The following HDAC4 variants were observed in gnomAD, a reference collection of about 807,000 sequenced individuals.
The protein encoded by HDAC4 is histone deacetylase 4, also known as histone deacetylase A.
HDAC4 carries 16 observed loss-of-function variants against 135.1 expected under a neutral mutation model. The ratio of observed to expected loss-of-function variants is 0.12; its 90% CI spans 0.08 to 0.18. HDAC4 has a LOEUF of 0.18. Among genes scored for constraint, HDAC4 ranks in the 10% least tolerant of loss-of-function variants. The pLI, the probability that HDAC4 is intolerant of heterozygous loss-of-function variation, is 1.00. For missense variants in HDAC4, 1,143 were observed against 1,511.8 expected (o/e 0.76, Z 4.05); for synonymous variants, 685 against 653.4 (o/e 1.05, Z -0.74).
Position 239,388,455 on chromosome 2 carries a change from C to T in HDAC4, c.-220+12523G>A, listed in dbSNP as rs561906620. On this transcript the variant is annotated intron_variant, in intron 1 of 26. Coordinates refer to ENST00000543185, the MANE Select transcript of HDAC4 (RefSeq NM_001378414.1). ...TGCATCGGCCTTCTCAGGCACCTGC[C>T]CACCTCTGCATGGGACAGATGAGCC... Among the ~76,000 whole-genome samples, 4 of 152,352 alleles carry T rather than the reference C, an allele frequency of 2.6e-5. No individual in the cohort carries two copies. The South Asian group carries it at 8.3e-4, about 32-fold the overall frequency.
intron 2 of HDAC4, among the ~76,000 whole-genome samples, chr2:239,238,492 C>A (rs2048011112): frequency 6.6e-6 from 1 of 152,160 alleles, no homozygotes; most frequent in South Asian, 2.1e-4. Flanking sequence ...CAATGCCTGT[C>A]CCCCAGAACT....
chr2:239,289,433 A>C (rs757186955), intron 2 of HDAC4, among the ~76,000 whole-genome samples: 1 of 152,200 alleles, frequency 6.6e-6, no homozygotes, highest in East Asian at 1.9e-4. Context: ...TTATGTTACA[A>C]TATGTGTGTG....
At position 239,115,835 on chromosome 2, in the gene HDAC4, G is replaced by A. The variant is rs1553620789; in HGVS notation, c.1534-525C>T. ...ACCGATGTGCCATGACCTCCCTCCTGCCGGATCCTGGGAACACTCCAGGAC... is the reference window on the plus strand; with the variant it reads ...ACCGATGTGCCATGACCTCCCTCCTACCGGATCCTGGGAACACTCCAGGAC... On this transcript the variant is annotated intron_variant, in intron 12 of 26. Transcript: ENST00000543185. This position sits in a 1 kb window ranked among gnomAD's most constrained non-coding sequence, Gnocchi z 6.3. Among the ~76,000 whole-genome samples the A allele has an allele frequency of 6.6e-6, 1 of 151,156 alleles. No individual in the cohort carries two copies.
chr2:239,280,024 AC>A (rs1032700026), intron 2 of HDAC4, among the ~76,000 whole-genome samples: 2 of 151,582 alleles, frequency 1.3e-5, no homozygotes, highest in Non-Finnish European at 2.9e-5. Flanking sequence ...AGAGGACAGC[AC>A]CCCCCAACCC....
At chr2:239,250,265 G>A (rs59460888) in intron 2 of HDAC4, among the ~76,000 whole-genome samples, 18,159 of 152,250 alleles carry the variant, frequency 0.12, 1,207 homozygotes, top group Non-Finnish European at 0.15. Context: ...ACACAGAGTC[G>A]GCCCCCAGGG....
chr2:239,324,009 A>G (rs1397059736), intron 2 of HDAC4, among the ~76,000 whole-genome samples: 4 of 152,236 alleles, frequency 2.6e-5, no homozygotes, highest in African/African-American at 7.2e-5. Context: ...ACGGGACCAC[A>G]TGCGCTACGG....
chr2:239,251,896 T>C lies in HDAC4; in HGVS notation c.23-15232A>G, dbSNP rs574095496. On this transcript the variant is annotated intron_variant, in intron 2 of 26. Coordinates refer to ENST00000543185, the MANE Select transcript of HDAC4 (RefSeq NM_001378414.1). The stretch of plus-strand genomic sequence containing the variant: ...ATTTCTGTTATGCACAGAATGAATA[T>C]ACCCTACACATCACAACCTCCCCTA... Among the ~76,000 whole-genome samples the C allele has an allele frequency of 5.3e-5, 8 of 152,276 alleles. No homozygotes were observed. The South Asian group carries it at 6.2e-4, about 12-fold the overall frequency.
intron 2 of HDAC4, among the ~76,000 whole-genome samples, chr2:239,291,305 A>G (rs2051480532): frequency 6.6e-6 from 1 of 152,236 alleles, no homozygotes; most frequent in Admixed American, 6.5e-5. Context: ...GGCCAAGTGC[A>G]CACGGGGATG....
At chr2:239,102,704 G>C (rs1326410216) in intron 16 of HDAC4, 72 bp downstream of exon 16, 1 of 1,570,628 alleles carries the variant, frequency 6.4e-7, no homozygotes, top group East Asian at 2.2e-5. Context: ...AGACACAAGG[G>C]GTTGAGAGCT....
chr2:239,208,609 C>T (rs1031040818), intron 3 of HDAC4, among the ~76,000 whole-genome samples: 7 of 152,094 alleles, frequency 4.6e-5, no homozygotes, highest in African/African-American at 1.7e-4. Flanking sequence ...GGAGGGAACA[C>T]AACTCCTGAT....
In HDAC4 at chr2:239,126,586, C is replaced by G; in HGVS notation, c.1403G>C (p.Gly468Ala). 1 of 1,613,884 alleles carries G rather than the reference C, an allele frequency of 6.2e-7. No individual in the cohort carries two copies. The highest frequency in any genetic ancestry group is 8.5e-7 in the Non-Finnish European group (1 of 1,179,994). Residue 468 changes from glycine (G) to alanine (A), a missense_variant, in exon 12 of 27, where the codon GGG becomes GCG. Physicochemically the swap from Gly to Ala is moderately conservative, Grantham distance 60 (BLOSUM62 0). Around this residue, in one of 9 missense-constraint regions of HDAC4, gnomAD observed 272 missense variants for 309.7 expected, o/e 0.88. Transcript: ENST00000543185. ...IHKLRQHRPL[G>A]RTQSAPLPQN... ...GGGCAGCGGGGCCGACTGGGTCCGCCCCAGTGGGCGGTGCTGCCGCAGCTT... is the reference window on the plus strand; with the variant it reads ...GGGCAGCGGGGCCGACTGGGTCCGCGCCAGTGGGCGGTGCTGCCGCAGCTT...
intron 1 of HDAC4, among the ~76,000 whole-genome samples, chr2:239,393,004 C>T (rs1342961615): frequency 6.6e-6 from 1 of 152,226 alleles, no homozygotes; most frequent in Non-Finnish European, 1.5e-5. Context: ...CTGACAGCTA[C>T]TCTACAGAAT....
intron 3 of HDAC4, among the ~76,000 whole-genome samples, chr2:239,191,941 C>A (rs892634624): frequency 6.6e-6 from 1 of 152,218 alleles, no homozygotes; most frequent in Admixed American, 6.5e-5. Context: ...CGGGCTGCCT[C>A]GTTGTTATTG....
intron 16 of HDAC4, among the ~76,000 whole-genome samples, chr2:239,101,116 T>C (rs910505378): frequency 6.6e-6 from 1 of 152,138 alleles, no homozygotes; most frequent in Admixed American, 6.5e-5. Flanking sequence ...CTCGTGAACC[T>C]GCTCAGCCAC....
intron 25 of HDAC4, 63 bp from the exon 26 acceptor site, chr2:239,053,664 C>T (rs923522134): frequency 4.7e-5 from 69 of 1,478,458 alleles, no homozygotes; most frequent in African/African-American, 4.0e-4. Context: ...CACTGAGGCC[C>T]GGGAAGGTCC....
intron 2 of HDAC4, among the ~76,000 whole-genome samples, chr2:239,344,387 C>A (rs550112576): frequency 2.6e-5 from 4 of 152,156 alleles, no homozygotes; most frequent in Admixed American, 1.3e-4. Context: ...AAAAGGGACA[C>A]AAATGCAAAT....
At chr2:239,081,962 G>T in intron 21 of HDAC4, 140 bp downstream of exon 21, 1 of 834,252 alleles carries the variant, frequency 1.2e-6, no homozygotes, top group Admixed American at 2.0e-5. Context: ...ACGTCTGACT[G>T]AAGTTACTGT....
chr2:239,315,710 A>G (rs571486740), intron 2 of HDAC4, among the ~76,000 whole-genome samples: 1 of 152,304 alleles, frequency 6.6e-6, no homozygotes, highest in African/African-American at 2.4e-5. Context: ...TGTCTGGGAA[A>G]AGATAACATT....
chr2:239,400,852 G>GGGC lies in HDAC4; in HGVS notation c.-220+123_-220+125dup, dbSNP rs889855385. ...GGGGGCCCAGGCTGGGAGGCTGTTC[G>GGGC]GGCGGCGGCGGCGGCGGCGCGGGCG... On this transcript the variant is annotated intron_variant, in intron 1 of 26. Transcript: ENST00000543185. The surrounding 1 kb of genome is among the most constrained non-coding windows in gnomAD (Gnocchi z 4.7). 4,787 of 145,366 alleles carry GGGC rather than the reference G, an allele frequency of 0.033. 88 individuals carry two copies. Among genetic ancestry groups the GGGC allele is most frequent in the Non-Finnish European group, 0.043 (2,780 of 65,252 alleles). The allele number at this position is 145,366 out of a possible 1,614,324, so 9.0% of individuals were successfully genotyped here.
Sources: gnomAD v4.1 joint callset for allele counts (sites outside exome capture counted in the v4.1 genomes callset) on GRCh38, gnomAD v4.1.1 for gene constraint, gnomAD v4.1.1 regional missense constraint, Gnocchi (gnomAD v3.1) non-coding constraint, MANE v1.5 for transcripts, NCBI Gene and HGNC (gene_info 2026-07-23, HGNC 2026-07-21) for gene names.